The following NCKAP1 variants were observed in gnomAD, a reference collection of about 807,000 sequenced individuals.
The protein encoded by NCKAP1 is nck-associated protein 1.
Under a neutral mutation model 151.2 loss-of-function variants are expected in NCKAP1, and 21 were observed. The ratio of observed to expected loss-of-function variants is 0.14; its 90% CI spans 0.10 to 0.20. The LOEUF is 0.20. Ranked by LOEUF, NCKAP1 falls within the 10% of genes least tolerant of loss-of-function variation. The probability of loss-of-function intolerance (pLI) is 1.00; values close to 1 mark genes in which losing one functional copy is unlikely to be tolerated. For synonymous variants in NCKAP1, 484 were observed against 451.8 expected (o/e 1.07, Z -0.90); for missense variants, 933 against 1,352.1 (o/e 0.69, Z 4.86).
chr2:183,002,133 C>G lies in NCKAP1; in HGVS notation c.506G>C (p.Gly169Ala). ...LYNYAHEMTHGASDREYPRLG... is the reference protein window; with the variant it reads ...LYNYAHEMTHAASDREYPRLG... ...TTTTATAATGCAAATCTACCTTGCT[C>G]CATGAGTCATTTCATGGGCATAGTT... Residue 169 changes from glycine to alanine, a missense_variant, in exon 5 of 31, where the codon GGA becomes GCA. Physicochemically the swap from Gly to Ala is moderately conservative, Grantham distance 60. This residue lies in a region of NCKAP1 where 607 missense variants were observed against 795.0 expected (regional missense o/e 0.76). Coordinates refer to ENST00000361354, the MANE Select transcript of NCKAP1 (RefSeq NM_013436.5). 1 of 1,612,990 alleles carries G rather than the reference C, an allele frequency of 6.2e-7. No homozygotes were observed. The highest frequency in any genetic ancestry group is 8.5e-7 in the Non-Finnish European group (1 of 1,179,522).
Position 183,002,137 on chromosome 2 carries a change from G to C in NCKAP1, c.502C>G (p.His168Asp). The C allele has an allele frequency of 6.2e-7, 1 of 1,612,904 alleles. No individual in the cohort carries two copies. The highest frequency in any genetic ancestry group is 8.5e-7 in the Non-Finnish European group (1 of 1,179,452). ...ATAATGCAAATCTACCTTGCTCCAT[G>C]AGTCATTTCATGGGCATAGTTGTAT... ...GLYNYAHEMTHGASDREYPRL... is the reference protein window; with the variant it reads ...GLYNYAHEMTDGASDREYPRL... The change falls in exon 5 of 31, where the codon CAT (histidine) becomes GAT (aspartate). Residue 168 changes from histidine to aspartate, a missense_variant. Around this residue, in one of 2 missense-constraint regions of NCKAP1, gnomAD observed 607 missense variants for 795.0 expected, o/e 0.76. Transcript: ENST00000361354.
rs1053158378 is a variant in NCKAP1 at position 182,912,676 on chromosome 2, T to C, written c.*13026A>G. On this transcript the variant is annotated 3_prime_UTR_variant, in exon 31 of 31. Coordinates refer to ENST00000361354, the MANE Select transcript of NCKAP1 (RefSeq NM_013436.5). ...CATAATAAAAATGGAATTTGAATGT[T>C]AGAGTGCAACCTGACAAAATGATTT... is the stretch of plus-strand genomic sequence containing the variant. The C allele has an allele frequency of 1.3e-5, 2 of 152,228 alleles. No homozygotes were observed. The highest frequency in any genetic ancestry group is 2.9e-5 in the Non-Finnish European group (2 of 68,036). 9.4% of individuals were successfully genotyped at this position (152,228 alleles called of 1,614,324 possible).
intron 6 of NCKAP1, among the ~76,000 whole-genome samples, chr2:182,999,000 C>G (rs1575056778): frequency 6.6e-6 from 1 of 152,110 alleles, no homozygotes; most frequent in East Asian, 1.9e-4. Flanking sequence ...AAAGAAATCA[C>G]AGATAACACA....
intron 23 of NCKAP1, chr2:182,946,966 AGGCTGAAAACAAGACAATAATTTAATCAT>A (rs1403653922): frequency 6.6e-6 from 1 of 152,262 alleles, no homozygotes; most frequent in African/African-American, 2.4e-5. Context: ...GGAAGGCTTG[AGGCTGAAAACAAGACAATAATTTAATCAT>A]GGCAGCCTGC....
intron 2 of NCKAP1, among the ~76,000 whole-genome samples, chr2:183,015,802 C>CAA (rs956776233): frequency 8.5e-6 from 1 of 117,272 alleles, no homozygotes; most frequent in Admixed American, 8.4e-5. Flanking sequence ...ATTACAGAAC[C>CAA]AAAAAAAAAA....
In NCKAP1 at chr2:182,917,862, A is replaced by C. The variant is rs937779404; in HGVS notation, c.*7840T>G. 2 of 152,216 alleles carry C rather than the reference A, an allele frequency of 1.3e-5. No homozygotes were observed. Among genetic ancestry groups the C allele is most frequent in the Non-Finnish European group, 2.9e-5 (2 of 68,036 alleles). 9.4% of individuals were successfully genotyped at this position (152,216 alleles called of 1,614,324 possible). On this transcript the variant is annotated 3_prime_UTR_variant, in exon 31 of 31. Coordinates refer to ENST00000361354, the MANE Select transcript of NCKAP1 (RefSeq NM_013436.5). ...GCCTAGGAAAGAAATCTGATTTACT[A>C]GAGATTAATCTGAGCAGGATCAGAG...
At chr2:183,000,320 T>C (rs1322035186) in intron 6 of NCKAP1, among the ~76,000 whole-genome samples, 1 of 152,224 alleles carries the variant, frequency 6.6e-6, no homozygotes, top group African/African-American at 2.4e-5. Flanking sequence ...AATGTGCTAA[T>C]GCCTATATAG....
chr2:182,928,331 A>G (rs1014891132), intron 28 of NCKAP1, 105 bp from the exon 29 acceptor site: 2 of 746,908 alleles, frequency 2.7e-6, no homozygotes, highest in Non-Finnish European at 2.2e-6. Flanking sequence ...GGCATAATTA[A>G]GAGTAGAGTT....
intron 6 of NCKAP1, among the ~76,000 whole-genome samples, 193 bp downstream of exon 6, chr2:183,001,760 T>A (rs1341032769): frequency 6.6e-6 from 1 of 152,184 alleles, no homozygotes; most frequent in Non-Finnish European, 1.5e-5. Flanking sequence ...ATCAATATAT[T>A]CTTGAGTCTC....
At chr2:182,992,224 T>A (rs1433436450) in intron 8 of NCKAP1, among the ~76,000 whole-genome samples, 3 of 152,160 alleles carry the variant, frequency 2.0e-5, no homozygotes, top group Non-Finnish European at 4.4e-5. Flanking sequence ...GGGTAGTAGT[T>A]CCAAAAAGAG....
intron 18 of NCKAP1, 72 bp from the exon 19 acceptor site, chr2:182,957,668 C>T: frequency 6.8e-7 from 1 of 1,465,830 alleles, no homozygotes. Flanking sequence ...TTCAAGCAAA[C>T]AGTAGCTGAA....
chr2:182,936,232 A>G (rs76212165), intron 24 of NCKAP1, among the ~76,000 whole-genome samples: 1 of 152,038 alleles, frequency 6.6e-6, no homozygotes, highest in Admixed American at 6.6e-5. Flanking sequence ...GCCTGGGTAA[A>G]GGAGCAAGAC....
chr2:183,037,451 T>C (rs941720727), intron 1 of NCKAP1, among the ~76,000 whole-genome samples: 9 of 152,208 alleles, frequency 5.9e-5, no homozygotes, highest in African/African-American at 1.7e-4. Context: ...TCAATGGCTT[T>C]TTATTTAGCA....
At chr2:182,927,564 C>T (rs1236736782) in intron 29 of NCKAP1, among the ~76,000 whole-genome samples, 2 of 149,002 alleles carry the variant, frequency 1.3e-5, no homozygotes, top group Non-Finnish European at 3.0e-5. Context: ...GAAAGAACTA[C>T]ATTGATAGAG....
intron 30 of NCKAP1, among the ~76,000 whole-genome samples, 196 bp downstream of exon 30, chr2:182,926,620 T>C (rs1044107484): frequency 1.3e-5 from 2 of 152,118 alleles, no homozygotes; most frequent in Non-Finnish European, 2.9e-5. Context: ...TAACCTTTGA[T>C]TGTTATCTTC....
chr2:183,026,546 G>C (rs1284031952), intron 1 of NCKAP1, among the ~76,000 whole-genome samples: 1 of 151,520 alleles, frequency 6.6e-6, no homozygotes, highest in African/African-American at 2.4e-5. Context: ...GCTTTCCCTG[G>C]AATTGATTTA....
At chr2:183,025,828 T>C (rs899265264) in intron 1 of NCKAP1, among the ~76,000 whole-genome samples, 4 of 152,210 alleles carry the variant, frequency 2.6e-5, no homozygotes, top group Non-Finnish European at 4.4e-5. Context: ...TCAAGTGTCA[T>C]AAACATGCTT....
chr2:182,962,191 T>C lies in NCKAP1; in HGVS notation c.1849A>G (p.Ile617Val). ...AKQARNLITD[I>V]CTEQCTLSDQ... Reference sequence around the variant, plus strand: ...CTAAGGGTACACTGTTCTGTGCAAATATCAGTGATGAGATTTCGAGCTTGT... The same window carrying C: ...CTAAGGGTACACTGTTCTGTGCAAACATCAGTGATGAGATTTCGAGCTTGT... Residue 617 changes from isoleucine (I) to valine (V), a missense_variant, in exon 18 of 31, where the codon ATT becomes GTT. This residue lies in a region of NCKAP1 where 607 missense variants were observed against 795.0 expected (regional missense o/e 0.76). Coordinates refer to ENST00000361354, the MANE Select transcript of NCKAP1 (RefSeq NM_013436.5). The C allele has an allele frequency of 6.2e-7, 1 of 1,613,058 alleles. No individual in the cohort carries two copies. Among genetic ancestry groups the C allele is most frequent in the Non-Finnish European group, 8.5e-7 (1 of 1,179,322 alleles).
chr2:182,960,003 G>A (rs1178591340), intron 18 of NCKAP1, among the ~76,000 whole-genome samples: 27 of 152,242 alleles, frequency 1.8e-4, no homozygotes, highest in Non-Finnish European at 3.5e-4. Context: ...AGAATAAAAT[G>A]CCTAGGAATC....
Sources: allele counts gnomAD v4.1 joint callset (sites outside exome capture counted in the v4.1 genomes callset), GRCh38; gene constraint gnomAD v4.1.1; regional missense constraint gnomAD v4.1.1; transcripts MANE v1.5; gene names NCBI Gene and HGNC (gene_info 2026-07-23, HGNC 2026-07-21).